The following SLC13A3 variants were observed in gnomAD, a reference collection of about 807,000 sequenced individuals.
SLC13A3 encodes the protein solute carrier family 13 member 3.
Under a neutral mutation model 59.0 loss-of-function variants are expected in SLC13A3, and 40 were observed. That is an observed-to-expected ratio of 0.68 (90% CI 0.53 to 0.88). The LOEUF (loss-of-function observed/expected upper bound fraction) is 0.88. Among genes scored for constraint, SLC13A3 ranks in the 40% least tolerant of loss-of-function variants. The probability of loss-of-function intolerance (pLI) is 0.00; values close to 1 mark genes in which losing one functional copy is unlikely to be tolerated. For missense variants in SLC13A3, 699 were observed against 783.2 expected (o/e 0.89, Z 1.28); for synonymous variants, 317 against 330.3 (o/e 0.96, Z 0.44).
At position 46,583,119 on chromosome 20, in the gene SLC13A3, CT is replaced by C. The variant is rs201338673; in HGVS notation, c.1219+452del. 2,006 of 970,838 alleles carry C rather than the reference CT, an allele frequency of 2.1e-3. 34 individuals are homozygous for C. The African/African-American group carries it at 0.032, about 16-fold the overall frequency. 60.1% of individuals were successfully genotyped at this position (970,838 alleles called of 1,614,324 possible). Reference sequence around the variant, plus strand: ...GGACAAGAAAAATAAACATTTTTTGCTTTTGTGGGCCAAGAGGCAAAATTGA... The same window carrying C: ...GGACAAGAAAAATAAACATTTTTTGCTTTGTGGGCCAAGAGGCAAAATTGA... On this transcript the variant is annotated intron_variant, in intron 9 of 12. Transcript: ENST00000279027.
At chr20:46,629,845 G>A (rs977184240) in intron 1 of SLC13A3, among the ~76,000 whole-genome samples, 4 of 152,108 alleles carry the variant, frequency 2.6e-5, no homozygotes, top group Non-Finnish European at 4.4e-5. Context: ...ATATCTGTCC[G>A]ATAGTTTCTC....
intron 1 of SLC13A3, among the ~76,000 whole-genome samples, chr20:46,621,354 T>C (rs1157105933): frequency 1.3e-5 from 2 of 152,206 alleles, no homozygotes; most frequent in East Asian, 3.9e-4. Context: ...TTAAAAATCT[T>C]TAAAGAGCAC....
At chr20:46,674,614 T>C (rs1490555328), upstream of SLC13A3, among the ~76,000 whole-genome samples, 49 of 149,074 alleles carry the variant, frequency 3.3e-4, no homozygotes, top group African/African-American at 1.2e-3. Context: ...CGTGTGTGTG[T>C]GTGTGTGTGT....
intron 3 of SLC13A3, among the ~76,000 whole-genome samples, chr20:46,604,300 C>A (rs143134089): frequency 1.3e-5 from 2 of 152,124 alleles, no homozygotes; most frequent in Admixed American, 6.5e-5. Flanking sequence ...CCTTTTAACA[C>A]CCCCTTCCTG....
intron 4 of SLC13A3, among the ~76,000 whole-genome samples, chr20:46,597,581 T>C (rs1159928158): frequency 3.9e-5 from 6 of 152,080 alleles, no homozygotes; most frequent in Non-Finnish European, 7.4e-5. Flanking sequence ...AGATTATAGG[T>C]GCCCACCACC....
chr20:46,625,246 AG>A (rs2062656300), intron 1 of SLC13A3, among the ~76,000 whole-genome samples: 1 of 152,200 alleles, frequency 6.6e-6, no homozygotes. Flanking sequence ...GGGAGGGGAA[AG>A]GATTTCACTT....
At chr20:46,647,718 A>G (rs1169559781) in intron 1 of SLC13A3, among the ~76,000 whole-genome samples, 1 of 152,176 alleles carries the variant, frequency 6.6e-6, no homozygotes, top group Non-Finnish European at 1.5e-5. Flanking sequence ...CTCCCCGAAG[A>G]CAAGCTCACC....
Position 46,599,954 on chromosome 20 carries a change from T to C in SLC13A3, c.608+17A>G. 1 of 1,555,502 alleles carries C rather than the reference T, an allele frequency of 6.4e-7. No individual in the cohort carries two copies. Among genetic ancestry groups the C allele is most frequent in the Non-Finnish European group, 8.8e-7 (1 of 1,138,624 alleles). ...AATCAAGCACTGGGTCCTCTATGAA[T>C]TTCACCAGTAACTTACGCTTCTGTG... On this transcript the variant is annotated intron_variant, in intron 4 of 12. Transcript: ENST00000279027.
intron 1 of SLC13A3, among the ~76,000 whole-genome samples, chr20:46,615,308 A>G (rs2122758266): frequency 6.6e-6 from 1 of 152,222 alleles, no homozygotes; most frequent in South Asian, 2.1e-4. Flanking sequence ...TTCCATGTCC[A>G]TAGGACATCA....
At chr20:46,674,472 C>A (rs1243676229), upstream of SLC13A3, among the ~76,000 whole-genome samples, 3 of 152,148 alleles carry the variant, frequency 2.0e-5, no homozygotes, top group African/African-American at 7.2e-5. Context: ...TTTACAAACA[C>A]GGAGAGGCCT....
At chr20:46,628,567 C>A (rs1451494016) in intron 1 of SLC13A3, among the ~76,000 whole-genome samples, 1 of 152,152 alleles carries the variant, frequency 6.6e-6, no homozygotes, top group Non-Finnish European at 1.5e-5. Flanking sequence ...TCTGGGTGAA[C>A]TTGATATGGA....
In SLC13A3 at chr20:46,617,588, TTGTGTG is replaced by T. The variant is rs555026536; in HGVS notation, c.112-3869_112-3864del. ...TTGAACAATTGGCTCTCTGAAAAAC[TTGTGTG>T]TGTGTGTGTGTGTGCGTGTGTGTGT... is the stretch of plus-strand genomic sequence containing the variant. On this transcript the variant is annotated intron_variant, in intron 1 of 12. Coordinates refer to ENST00000279027, the MANE Select transcript of SLC13A3 (RefSeq NM_022829.6). Among the ~76,000 whole-genome samples, 231 of 106,310 alleles carry T rather than the reference TTGTGTG, an allele frequency of 2.2e-3. 1 individual carries two copies. The highest frequency in any genetic ancestry group is 7.7e-3 in the African/African-American group (220 of 28,714). The allele number at this position is 106,310 out of a possible 152,430, so 69.7% of individuals were successfully genotyped here.
rs748135002 is a variant in SLC13A3, at chr20:46,598,991, C to T, written c.608+980G>A. ...CCTCTTGCAGAGATTTGCTCAAGGA[C>T]GATCTTCTTGTGATGACTTCCCTGA... On this transcript the variant is annotated intron_variant, in intron 4 of 12. Transcript: ENST00000279027. Among the ~76,000 whole-genome samples, 13 of 152,166 alleles carry T rather than the reference C, an allele frequency of 8.5e-5. 1 individual carries two copies. Among genetic ancestry groups the T allele is most frequent in the Admixed American group, 3.3e-4 (5 of 15,272 alleles).
upstream of SLC13A3, among the ~76,000 whole-genome samples, chr20:46,653,309 A>C (rs2062964777): frequency 6.6e-6 from 1 of 152,190 alleles, no homozygotes; most frequent in Non-Finnish European, 1.5e-5. Context: ...AGCTCTCTGC[A>C]TAGCCTTAGA....
In SLC13A3 at chr20:46,615,835, C is replaced by T. The variant is rs558769907; in HGVS notation, c.112-2110G>A. On this transcript the variant is annotated intron_variant, in intron 1 of 12. Transcript: ENST00000279027. ...TGAAATTTATAGATGTGCAAAAAGT[C>T]TCCCGCTGGGAGAATTTCTGTACAG... 5.3e-5 allele frequency among the ~76,000 whole-genome samples: 8 copies of T among 152,320 alleles called. No homozygotes were observed. In the East Asian group the frequency reaches 1.3e-3, roughly 26 times the overall value.
At chr20:46,562,652 C>T (rs2061941253) in intron 12 of SLC13A3, among the ~76,000 whole-genome samples, 1 of 152,192 alleles carries the variant, frequency 6.6e-6, no homozygotes, top group African/African-American at 2.4e-5. Flanking sequence ...GGTGTCTCTC[C>T]CACTCTGCAG....
chr20:46,654,144 T>C (rs936937892), upstream of SLC13A3, among the ~76,000 whole-genome samples: 1 of 152,192 alleles, frequency 6.6e-6, no homozygotes, highest in African/African-American at 2.4e-5. Flanking sequence ...GCCATCCTAA[T>C]AGGTGTGAAG....
chr20:46,667,383 G>A (rs546787551), intron 1 of SLC13A3, among the ~76,000 whole-genome samples: 40 of 152,316 alleles, frequency 2.6e-4, no homozygotes, highest in Admixed American at 1.8e-3. Context: ...ATATTTTACC[G>A]GTGGGCCTGG....
chr20:46,652,547 A>ATT (rs11471373), upstream of SLC13A3, among the ~76,000 whole-genome samples: 574 of 117,774 alleles, frequency 4.9e-3, 9 homozygotes, highest in South Asian at 0.037. Flanking sequence ...TATCTGGCTA[A>ATT]TTTTTTTTTT....
Sources: allele counts gnomAD v4.1 joint callset (sites outside exome capture counted in the v4.1 genomes callset), GRCh38; gene constraint gnomAD v4.1.1; transcripts MANE v1.5; gene names NCBI Gene and HGNC (gene_info 2026-07-23, HGNC 2026-07-21).